The following SHPRH variants were observed in gnomAD, a reference collection of about 807,000 sequenced individuals.
The protein encoded by SHPRH is E3 ubiquitin-protein ligase SHPRH.
A neutral mutation model predicts 202.5 loss-of-function variants in SHPRH; 106 were observed. The observed-to-expected ratio is 0.52, with a 90% CI of 0.45 to 0.62. The LOEUF is 0.62. Ranked by LOEUF, SHPRH falls within the 20% of genes least tolerant of loss-of-function variation. The pLI is 0.00. For synonymous variants in SHPRH, 729 were observed against 686.0 expected, an observed-to-expected ratio of 1.06 and a Z score of -0.98; for missense variants, 1,710 against 2,020.0, an observed-to-expected ratio of 0.85 and a Z score of 2.94.
chr6:145,884,286 A>G (rs1468653741), downstream of SHPRH: 1 of 152,208 alleles, frequency 6.6e-6, no homozygotes, highest in Non-Finnish European at 1.5e-5. Context: ...GTCACATACA[A>G]AGAGAAATGT....
rs767364066 is a variant in SHPRH, at chr6:145,943,752, G to A, written c.1629C>T (p.Asn543=). The A allele has an allele frequency of 6.3e-7, 1 of 1,597,888 alleles. No homozygotes were observed. The highest frequency in any genetic ancestry group is 8.5e-7 in the Non-Finnish European group (1 of 1,175,718). Residue 543 remains asparagine (N), a synonymous_variant, in exon 9 of 30, where the codon AAC becomes AAT. Coordinates refer to ENST00000275233, the MANE Select transcript of SHPRH (RefSeq NM_001042683.3). The part of the protein sequence containing the change: ...KIQKETRKSG[N]KDTDSEYLPS... The stretch of plus-strand genomic sequence containing the variant: ...GCAAGTATTCAGAATCTGTGTCCTT[G>A]TTCCCTGATTTTCTAGTTTCTTTCT...
chr6:145,898,213 T>C (rs892186471), intron 25 of SHPRH, among the ~76,000 whole-genome samples: 13 of 151,494 alleles, frequency 8.6e-5, no homozygotes, highest in Admixed American at 4.0e-4. Flanking sequence ...AACAATCAAT[T>C]ATCCAAAAAG....
At chr6:145,871,996 G>A (rs757565217) in intron 2 of SHPRH, among the ~76,000 whole-genome samples, 1 of 152,210 alleles carries the variant, frequency 6.6e-6, no homozygotes, top group African/African-American at 2.4e-5. Flanking sequence ...CTAGCCATAT[G>A]CAGGATATTG....
At chr6:145,927,632 A>T (rs1324379998) in intron 14 of SHPRH, among the ~76,000 whole-genome samples, 2 of 151,918 alleles carry the variant, frequency 1.3e-5, no homozygotes, top group Non-Finnish European at 2.9e-5. Flanking sequence ...AAAAGGTGGC[A>T]ATCAGTAGTC....
chr6:145,866,060 G>A (rs1251336468), intron 2 of SHPRH, among the ~76,000 whole-genome samples: 1 of 152,148 alleles, frequency 6.6e-6, no homozygotes, highest in Non-Finnish European at 1.5e-5. Context: ...AAACTTACCT[G>A]GTAGTCACAC....
In SHPRH at chr6:145,943,548, A is replaced by T. The variant is rs764692232; in HGVS notation, c.1833T>A (p.Asp611Glu). The T allele has an allele frequency of 6.2e-7, 1 of 1,614,042 alleles. No individual in the cohort carries two copies. Among genetic ancestry groups the T allele is most frequent in the Non-Finnish European group, 8.5e-7 (1 of 1,179,956 alleles). Residue 611 changes from aspartate (D) to glutamate (E), a missense_variant, in exon 9 of 30, where the codon GAT becomes GAA. Asp to Glu is a conservative substitution (Grantham distance 45). Transcript: ENST00000275233. ...CPATSDSGIT[D>E]VAMSKSTCIS... Reference sequence around the variant, plus strand: ...TACATGTACTTTTAGACATAGCAACATCAGTTATTCCAGAGTCGCTAGTAG... The same window carrying T: ...TACATGTACTTTTAGACATAGCAACTTCAGTTATTCCAGAGTCGCTAGTAG...
At position 145,922,839 on chromosome 6, in the gene SHPRH, G is replaced by A. The variant is rs1210111998; in HGVS notation, c.3546-3C>T. On this transcript the variant is annotated splice_region_variant and splice_polypyrimidine_tract_variant and intron_variant, in intron 18 of 29. Transcript: ENST00000275233. ...GAAGACCTCTGCAATCACGGAACCT[G>A]ATTCCCACACCAGCACCACACACAA... 1 of 1,606,424 alleles carries A rather than the reference G, an allele frequency of 6.2e-7. No homozygotes were observed. The highest frequency in any genetic ancestry group is 8.5e-7 in the Non-Finnish European group (1 of 1,176,234).
chr6:145,910,743 T>A (rs1262163318), intron 24 of SHPRH, 107 bp from the exon 25 acceptor site: 3 of 1,104,616 alleles, frequency 2.7e-6, no homozygotes, highest in South Asian at 2.2e-5. Context: ...TTCATAACAT[T>A]AATATTCTTT....
chr6:145,930,475 C>T (rs983990901), intron 14 of SHPRH, among the ~76,000 whole-genome samples: 1 of 151,974 alleles, frequency 6.6e-6, no homozygotes, highest in African/African-American at 2.4e-5. Context: ...TCCTACTTTC[C>T]CTTTTATTTT....
chr6:145,921,089 A>G, intron 21 of SHPRH, 78 bp downstream of exon 21: 1 of 1,249,212 alleles, frequency 8.0e-7, no homozygotes, highest in Non-Finnish European at 1.1e-6. Context: ...AAAACTGGAG[A>G]GAGAAAAAAG....
chr6:145,880,046 G>A (rs937024982), downstream of SHPRH, among the ~76,000 whole-genome samples: 1 of 151,746 alleles, frequency 6.6e-6, no homozygotes. Context: ...TGAAAATATT[G>A]CAAGACACAA....
downstream of SHPRH, among the ~76,000 whole-genome samples, chr6:145,860,279 A>G (rs1214081575): frequency 6.6e-6 from 1 of 152,062 alleles, no homozygotes; most frequent in African/African-American, 2.4e-5. Context: ...AAACTGTTAG[A>G]ACTAATAAGT....
intron 27 of SHPRH, 23 bp downstream of exon 27, chr6:145,894,127 A>C (rs540646892): frequency 6.4e-7 from 1 of 1,567,874 alleles, no homozygotes; most frequent in Non-Finnish European, 8.6e-7. Context: ...CACTACAAAA[A>C]CCGGAGTAAA....
At chr6:145,934,832 G>T in intron 13 of SHPRH, 75 bp downstream of exon 13, 1 of 1,415,704 alleles carries the variant, frequency 7.1e-7, no homozygotes, top group Non-Finnish European at 9.6e-7. Flanking sequence ...ACATGTCTCT[G>T]AATGAAACCG....
intron 9 of SHPRH, 33 bp downstream of exon 9, chr6:145,943,110 T>G (rs769447503): frequency 8.9e-5 from 136 of 1,523,762 alleles, no homozygotes; most frequent in Non-Finnish European, 1.2e-4. Flanking sequence ...AACTTTACAT[T>G]TTCCTCTCCC....
At chr6:145,866,323 T>C (rs1481770060) in intron 2 of SHPRH, among the ~76,000 whole-genome samples, 1 of 152,234 alleles carries the variant, frequency 6.6e-6, no homozygotes, top group Non-Finnish European at 1.5e-5. Context: ...AACCTTTTTC[T>C]GAAAATTATT....
At chr6:145,878,412 A>G (rs1010907792) in intron 2 of SHPRH, among the ~76,000 whole-genome samples, 3 of 152,172 alleles carry the variant, frequency 2.0e-5, no homozygotes, top group African/African-American at 7.2e-5. Flanking sequence ...TAGCATACAG[A>G]AGGCTCACTG....
chr6:145,917,784 ACATATTTTTG>A (rs1452651851), intron 23 of SHPRH: 8 of 168,028 alleles, frequency 4.8e-5, no homozygotes, highest in Non-Finnish European at 8.9e-5. Flanking sequence ...ACAAATTACA[ACATATTTTTG>A]TATTGATGAA....
intron 10 of SHPRH, 24 bp downstream of exon 10, chr6:145,941,599 A>C (rs759449009): frequency 1.2e-6 from 2 of 1,611,144 alleles, no homozygotes; most frequent in Middle Eastern, 1.7e-4. Context: ...CCCAGCCCTC[A>C]AAAGATTTTG....
Sources: allele counts gnomAD v4.1 joint callset (sites outside exome capture counted in the v4.1 genomes callset), GRCh38; gene constraint gnomAD v4.1.1; transcripts MANE v1.5; gene names NCBI Gene and HGNC (gene_info 2026-07-23, HGNC 2026-07-21).